Variants in SLC4A5 observed in about 807,000 individuals in gnomAD.
The protein encoded by SLC4A5 is electrogenic sodium bicarbonate cotransporter 4.
SLC4A5 carries 96 observed loss-of-function variants against 120.4 expected under a neutral mutation model. The observed-to-expected ratio is 0.80, with a 90% CI of 0.68 to 0.94. SLC4A5 has a LOEUF of 0.94. SLC4A5 is among the 40% of genes least tolerant of loss of function. The pLI, the probability that SLC4A5 is intolerant of heterozygous loss-of-function variation, is 0.00. For synonymous variants in SLC4A5, 550 were observed against 571.1 expected, an observed-to-expected ratio of 0.96 and a Z score of 0.53; for missense variants, 1,259 against 1,459.5, an observed-to-expected ratio of 0.86 and a Z score of 2.24.
At chr2:74,326,076 G>A (rs372846851) in intron 5 of SLC4A5, among the ~76,000 whole-genome samples, 23 of 152,120 alleles carry the variant, frequency 1.5e-4, no homozygotes, top group African/African-American at 4.8e-4. Context: ...GCTGAACTCC[G>A]GTCCACAAGA....
At chr2:74,235,054 T>A (rs752858619) in intron 22 of SLC4A5, 47 bp downstream of exon 22, 1 of 1,432,360 alleles carries the variant, frequency 7.0e-7, no homozygotes, top group Admixed American at 1.7e-5. Context: ...AATCTGCAGC[T>A]GGTAGGCAGG....
chr2:74,330,403 G>A (rs546616668), intron 4 of SLC4A5, among the ~76,000 whole-genome samples: 17 of 150,912 alleles, frequency 1.1e-4, no homozygotes, highest in South Asian at 2.1e-4. Flanking sequence ...TGAGGGTGGT[G>A]AGGTGTAGAT....
intron 9 of SLC4A5, 59 bp downstream of exon 9, chr2:74,265,045 G>T (rs1037272391): frequency 1.3e-6 from 2 of 1,556,402 alleles, no homozygotes; most frequent in African/African-American, 2.7e-5. Flanking sequence ...TGAGGTCAGG[G>T]GAGCTGCCCT....
chr2:74,244,989 C>T (rs1264997212), intron 19 of SLC4A5, among the ~76,000 whole-genome samples: 3 of 152,020 alleles, frequency 2.0e-5, no homozygotes, highest in South Asian at 2.1e-4. Flanking sequence ...CCTAGAGCAC[C>T]CCGGGTTTGT....
chr2:74,304,690 C>A lies in SLC4A5; in HGVS notation c.80-10G>T, dbSNP rs369122953. 3 of 1,606,754 alleles carry A rather than the reference C, an allele frequency of 1.9e-6. No homozygotes were observed. Among genetic ancestry groups the A allele is most frequent in the Non-Finnish European group, 1.7e-6 (2 of 1,175,868 alleles). On this transcript the variant is annotated splice_polypyrimidine_tract_variant and intron_variant, in intron 6 of 30. Coordinates refer to ENST00000394019, the Ensembl canonical transcript of SLC4A5. ...TGGATAGGAGGGCATTCTGTGGACA[C>A]GGCACAAAAGACAGGGGAGGCAGGG...
At chr2:74,325,931 G>A (rs574190198) in intron 5 of SLC4A5, among the ~76,000 whole-genome samples, 1 of 151,194 alleles carries the variant, frequency 6.6e-6, no homozygotes, top group African/African-American at 2.4e-5. Context: ...AGGAGGGGAG[G>A]AGGAAGGGAG....
At chr2:74,234,183 T>C (rs1190918340) in intron 22 of SLC4A5, among the ~76,000 whole-genome samples, 2 of 151,752 alleles carry the variant, frequency 1.3e-5, no homozygotes, top group African/African-American at 2.4e-5. Flanking sequence ...TTCTTTCTTT[T>C]TTTTTTTGTT....
chr2:74,329,248 TATAG>T (rs1322577541), intron 4 of SLC4A5, among the ~76,000 whole-genome samples: 2 of 152,132 alleles, frequency 1.3e-5, no homozygotes, highest in Non-Finnish European at 1.5e-5. Flanking sequence ...AGATGTGGGG[TATAG>T]ATAGAGGTGT....
At chr2:74,229,907 G>C (rs1695002595) in intron 25 of SLC4A5, among the ~76,000 whole-genome samples, 1 of 146,116 alleles carries the variant, frequency 6.8e-6, no homozygotes, top group Non-Finnish European at 1.5e-5. Flanking sequence ...TTTGAGAAGA[G>C]GTCTCACTCT....
intron 8 of SLC4A5, among the ~76,000 whole-genome samples, chr2:74,271,826 G>A (rs2104088142): frequency 6.6e-6 from 1 of 152,112 alleles, no homozygotes; most frequent in East Asian, 1.9e-4. Flanking sequence ...AGCCGGGCAT[G>A]GTGGCTCACA....
At chr2:74,259,941 G>C (rs1671083355) in intron 11 of SLC4A5, among the ~76,000 whole-genome samples, 1 of 152,156 alleles carries the variant, frequency 6.6e-6, no homozygotes, top group South Asian at 2.1e-4. Flanking sequence ...TGTCTACTCT[G>C]GGTGTGGCTC....
At chr2:74,241,054 G>A (rs1450007213) in intron 20 of SLC4A5, among the ~76,000 whole-genome samples, 2 of 152,030 alleles carry the variant, frequency 1.3e-5, no homozygotes, top group Non-Finnish European at 2.9e-5. Context: ...GTGTGCAAAG[G>A]ACACATTAGA....
intron 5 of SLC4A5, among the ~76,000 whole-genome samples, chr2:74,316,337 A>G (rs1310920493): frequency 6.6e-6 from 1 of 150,814 alleles, no homozygotes; most frequent in African/African-American, 2.4e-5. Flanking sequence ...AAAAAAAAAA[A>G]AAAAAAAAAA....
At chr2:74,233,697 A>AT (rs1670175009) in intron 22 of SLC4A5, 134 bp from the exon 23 acceptor site, 2 of 1,031,068 alleles carry the variant, frequency 1.9e-6, no homozygotes, top group African/African-American at 3.2e-5. Context: ...TTTCCCTTAA[A>AT]CACCTTAGGT....
intron 8 of SLC4A5, among the ~76,000 whole-genome samples, chr2:74,275,685 A>G (rs1229249641): frequency 6.6e-6 from 1 of 152,234 alleles, no homozygotes; most frequent in African/African-American, 2.4e-5. Context: ...CATTTATCAC[A>G]TAACACTTCC....
intron 8 of SLC4A5, among the ~76,000 whole-genome samples, chr2:74,282,525 T>C (rs558210765): frequency 6.6e-6 from 1 of 152,340 alleles, no homozygotes; most frequent in African/African-American, 2.4e-5. Flanking sequence ...AACCTACCAC[T>C]TTGCAGATGG....
At chr2:74,247,278 C>T in exon 19 of SLC4A5, 3 of 1,614,008 alleles carry the variant, frequency 1.9e-6, no homozygotes, top group South Asian at 1.1e-5. Context: ...AATCCAGAGG[C>T]GGAACTCCAT....
chr2:74,285,971 A>G (rs1671969367), intron 7 of SLC4A5, 69 bp from the exon 8 acceptor site: 2 of 1,487,062 alleles, frequency 1.3e-6, no homozygotes, highest in Non-Finnish European at 1.8e-6. Context: ...GGCCAACAGA[A>G]ATGGAGTAGG....
At chr2:74,249,720 GATCCTGAGGGGCAGCCATGGGGA>G (rs1444392996) in intron 17 of SLC4A5, among the ~76,000 whole-genome samples, 1 of 152,158 alleles carries the variant, frequency 6.6e-6, no homozygotes, top group Non-Finnish European at 1.5e-5. Flanking sequence ...TGAACTGGGG[GATCCTGAGGGGCAGCCATGGGGA>G]ATCCTGAGGG....
Sources: allele counts gnomAD v4.1 joint callset (sites outside exome capture counted in the v4.1 genomes callset), GRCh38; gene constraint gnomAD v4.1.1; transcripts MANE v1.5; gene names NCBI Gene and HGNC (gene_info 2026-07-23, HGNC 2026-07-21).